The following USP49 variants were observed in gnomAD, a reference collection of about 807,000 sequenced individuals.
USP49 encodes ubiquitin specific peptidase 49.
Under a neutral mutation model 58.6 loss-of-function variants are expected in USP49, and 24 were observed. The ratio of observed to expected loss-of-function variants is 0.41; its 90% confidence interval spans 0.30 to 0.58. USP49 has a LOEUF of 0.58. Ranked by LOEUF, USP49 falls within the 20% of genes least tolerant of loss-of-function variation. The pLI, the probability that USP49 is intolerant of heterozygous loss-of-function variation, is 0.30. For synonymous variants in USP49, 408 were observed against 365.1 expected, an observed-to-expected ratio of 1.12 and a Z score of -1.34; for missense variants, 703 against 866.1, an observed-to-expected ratio of 0.81 and a Z score of 2.36.
intron 3 of USP49, among the ~76,000 whole-genome samples, chr6:41,859,001 G>A (rs1774175822): frequency 6.6e-6 from 1 of 152,154 alleles, no homozygotes; most frequent in Non-Finnish European, 1.5e-5. Flanking sequence ...TTTTCTGAAA[G>A]AATGAATAAA....
chr6:41,863,427 GT>G (rs1373060051), intron 3 of USP49, among the ~76,000 whole-genome samples: 1 of 152,110 alleles, frequency 6.6e-6, no homozygotes, highest in African/African-American at 2.4e-5. Flanking sequence ...CATTATTACT[GT>G]TTTAATTGCT....
Position 41,802,470 on chromosome 6 carries a change from T to TTA in USP49, c.1561+1335_1561+1336insTA, listed in dbSNP as rs1443262365. Among the ~76,000 whole-genome samples the TTA allele has an allele frequency of 3.7e-3, 314 of 85,554 alleles. 6 individuals carry two copies. Among genetic ancestry groups the TTA allele is most frequent in the African/African-American group, 0.014 (276 of 19,658 alleles). 56.1% of individuals were successfully genotyped at this position (85,554 alleles called of 152,430 possible). A position where few individuals can be genotyped will look rare whatever the true frequency, so the allele number is the denominator to read the frequency against. On this transcript the variant is annotated intron_variant, in intron 5 of 7. Coordinates refer to ENST00000682992, the MANE Select transcript of USP49 (RefSeq NM_001286554.2). Reference sequence around the variant, plus strand: ...TTTATTTATTTATTTATTTATTTATTTTTTATTTATTTTTTTTTTTTGAGA... The same window carrying TTA: ...TTTATTTATTTATTTATTTATTTATTTATTTTATTTATTTTTTTTTTTTGAGA...
chr6:41,861,446 A>T (rs528772963), intron 3 of USP49, among the ~76,000 whole-genome samples: 1 of 152,182 alleles, frequency 6.6e-6, no homozygotes, highest in East Asian at 1.9e-4. Context: ...CAGTCTCAAA[A>T]CAAATAAATA....
intron 3 of USP49, among the ~76,000 whole-genome samples, chr6:41,865,915 C>CTTTT (rs1561922312): frequency 3.1e-5 from 3 of 96,208 alleles, no homozygotes; most frequent in South Asian, 8.4e-4. Context: ...AAGCATGGTG[C>CTTTT]CTTTTTTTTT....
intron 3 of USP49, among the ~76,000 whole-genome samples, chr6:41,813,250 T>C (rs1773290101): frequency 6.6e-6 from 1 of 152,192 alleles, no homozygotes; most frequent in South Asian, 2.1e-4. Context: ...CACATCTGAA[T>C]AGCCTCCTCT....
chr6:41,855,628 T>C (rs373352686), intron 3 of USP49, among the ~76,000 whole-genome samples: 1 of 152,238 alleles, frequency 6.6e-6, no homozygotes, highest in East Asian at 1.9e-4. Flanking sequence ...AAAACCTAAC[T>C]GCTTACTGCC....
In USP49 at chr6:41,803,925, C is replaced by T; in HGVS notation, c.1442G>A (p.Cys481Tyr). The T allele has an allele frequency of 6.2e-7, 1 of 1,614,128 alleles. No individual in the cohort carries two copies. The change falls in exon 5 of 8, where the codon TGC becomes TAC. Residue 481 changes from cysteine to tyrosine, a missense_variant. Coordinates refer to ENST00000682992, the MANE Select transcript of USP49 (RefSeq NM_001286554.2). The surrounding 1 kb of genome is among the most constrained non-coding windows in gnomAD (Gnocchi z 4.1). Reference protein sequence around the residue: ...LSLEFPERYHCIEKGFVPLNQ... With the variant: ...LSLEFPERYHYIEKGFVPLNQ... ...CAAAGGGACAAACCCCTTTTCTATG[C>T]AGTGATAGCGTTCAGGGAATTCCAG...
At chr6:41,861,702 G>A (rs1254014646) in intron 3 of USP49, among the ~76,000 whole-genome samples, 2 of 150,494 alleles carry the variant, frequency 1.3e-5, no homozygotes, top group Non-Finnish European at 3.0e-5. Flanking sequence ...CTGGCTTTAC[G>A]TCACTCTTTT....
In USP49 at chr6:41,796,686, T is replaced by C; in HGVS notation, c.1914A>G (p.Val638=). 1.4e-6 allele frequency: 1 copy of C among 717,450 alleles called. No individual in the cohort carries two copies. Among genetic ancestry groups the C allele is most frequent in the South Asian group, 1.5e-5 (1 of 67,600 alleles). The allele number at this position is 717,450 out of a possible 1,614,324, so 44.4% of individuals were successfully genotyped here. The change falls in exon 8 of 8, where the codon GTA becomes GTG. Residue 638 remains valine, a synonymous_variant. Transcript: ENST00000682992. The part of the protein sequence containing the change: ...WVHCNDSKLN[V]CSVEEVCKTQ... ...TTTTGCACACTTCCTCGACACTGCA[T>C]ACATTCAGCTTTGAGTCATTGCAGT...
At chr6:41,802,432 A>ATTTTATTTTATTTTATTTTAT (rs772710803) in intron 5 of USP49, among the ~76,000 whole-genome samples, 64 of 58,754 alleles carry the variant, frequency 1.1e-3, no homozygotes, top group South Asian at 3.6e-3. Flanking sequence ...ATTTTATTTT[A>ATTTTATTTTATTTTATTTTAT]TTTATTTATT....
chr6:41,890,870 G>C (rs1307656382), intron 2 of USP49, among the ~76,000 whole-genome samples: 1 of 152,154 alleles, frequency 6.6e-6, no homozygotes, highest in Non-Finnish European at 1.5e-5. Context: ...ATGTGTCATA[G>C]TATATAACAA....
At chr6:41,836,856 C>T (rs756441482) in intron 3 of USP49, among the ~76,000 whole-genome samples, 89 of 150,506 alleles carry the variant, frequency 5.9e-4, no homozygotes, top group Non-Finnish European at 9.4e-4. Context: ...GACACACACA[C>T]GCACACACAC....
chr6:41,834,961 A>G (rs568434620), intron 3 of USP49, among the ~76,000 whole-genome samples: 2 of 152,222 alleles, frequency 1.3e-5, no homozygotes, highest in South Asian at 4.1e-4. Flanking sequence ...TTCAAGAAAT[A>G]GGAAAGAAAA....
At chr6:41,858,905 A>G (rs1445597080) in intron 3 of USP49, among the ~76,000 whole-genome samples, 6 of 152,334 alleles carry the variant, frequency 3.9e-5, no homozygotes, top group Admixed American at 2.6e-4. Context: ...GATAAGCTCC[A>G]TGAGGGCAGA....
At chr6:41,878,861 A>G (rs1003835052) in intron 2 of USP49, among the ~76,000 whole-genome samples, 2 of 152,322 alleles carry the variant, frequency 1.3e-5, no homozygotes, top group African/African-American at 4.8e-5. Context: ...TGAAGCACAG[A>G]GGGCCCAATT....
intron 3 of USP49, among the ~76,000 whole-genome samples, chr6:41,860,684 T>G (rs983223355): frequency 2.0e-5 from 3 of 148,324 alleles, no homozygotes; most frequent in African/African-American, 7.5e-5. Context: ...ATTTTTTTTT[T>G]GTATTTTAGT....
intron 2 of USP49, among the ~76,000 whole-genome samples, chr6:41,881,039 TCTC>T (rs2127363067): frequency 6.6e-6 from 1 of 151,896 alleles, no homozygotes; most frequent in South Asian, 2.1e-4. Context: ...TTCCACCAAT[TCTC>T]CTGCCTCAGC....
intron 2 of USP49, among the ~76,000 whole-genome samples, chr6:41,876,674 A>G (rs1324102035): frequency 6.6e-6 from 1 of 152,180 alleles, no homozygotes; most frequent in Non-Finnish European, 1.5e-5. Flanking sequence ...GGCCTCCCAA[A>G]GTGTTGAGAT....
At chr6:41,822,584 A>C (rs1158749459) in intron 3 of USP49, among the ~76,000 whole-genome samples, 1 of 152,198 alleles carries the variant, frequency 6.6e-6, no homozygotes, top group East Asian at 1.9e-4. Context: ...ACGGTGGCTC[A>C]TGCCTGTAAT....
Sources: gnomAD v4.1 joint callset for allele counts (sites outside exome capture counted in the v4.1 genomes callset) on GRCh38, gnomAD v4.1.1 for gene constraint, Gnocchi (gnomAD v3.1) non-coding constraint, MANE v1.5 for transcripts, NCBI Gene and HGNC (gene_info 2026-07-23, HGNC 2026-07-21) for gene names.